The following PLSCR2 variants were observed in gnomAD, a reference collection of about 807,000 sequenced individuals.
PLSCR2 encodes the protein phospholipid scramblase 2.
A neutral mutation model predicts 25.3 loss-of-function variants in PLSCR2; 18 were observed. That is an observed-to-expected ratio of 0.71 (90% CI 0.49 to 1.06). The LOEUF is 1.06. PLSCR2 is among the 50% of genes least tolerant of loss of function. The pLI is 0.00. For missense variants in PLSCR2, 243 were observed against 269.5 expected, an observed-to-expected ratio of 0.90 and a Z score of 0.69; for synonymous variants, 88 against 87.3, an observed-to-expected ratio of 1.01 and a Z score of -0.04.
At chr3:146,438,807 A>T (rs954256765), downstream of PLSCR2, among the ~76,000 whole-genome samples, 9 of 151,800 alleles carry the variant, frequency 5.9e-5, no homozygotes, top group African/African-American at 1.9e-4. Flanking sequence ...GTGAATTTGA[A>T]CCTGTCATTA....
At chr3:146,414,467 C>T (rs2038951508) in intron 2 of PLSCR2, among the ~76,000 whole-genome samples, 1 of 152,072 alleles carries the variant, frequency 6.6e-6, no homozygotes, top group South Asian at 2.1e-4. Context: ...TAGTATAATT[C>T]AGCAAGAAAA....
intron 1 of PLSCR2, among the ~76,000 whole-genome samples, chr3:146,483,509 A>ACATGTGTATATATATATAT (rs1553791539): frequency 1.6e-5 from 2 of 127,074 alleles, no homozygotes; most frequent in Non-Finnish European, 3.3e-5. Context: ...ATATATATAT[A>ACATGTGTATATATATATAT]ATGTTACTAC....
intron 6 of PLSCR2, among the ~76,000 whole-genome samples, chr3:146,444,846 C>A (rs187123770): frequency 1.3e-5 from 2 of 151,708 alleles, no homozygotes; most frequent in Non-Finnish European, 2.9e-5. Flanking sequence ...TCTTTCCTTC[C>A]TTCCTGTCAT....
chr3:146,470,903 T>A (rs563463279), intron 1 of PLSCR2, among the ~76,000 whole-genome samples: 1 of 152,350 alleles, frequency 6.6e-6, no homozygotes, highest in South Asian at 2.1e-4. Context: ...TAATGGTATC[T>A]ACCACAGAGG....
intron 1 of PLSCR2, among the ~76,000 whole-genome samples, chr3:146,488,070 G>A (rs2043410761): frequency 6.6e-6 from 1 of 151,960 alleles, no homozygotes; most frequent in Admixed American, 6.6e-5. Context: ...ACAAGAAATG[G>A]GGAAAGGAAA....
At chr3:146,469,079 C>G in intron 1 of PLSCR2, 1 of 970,798 alleles carries the variant, frequency 1.0e-6, no homozygotes, top group Non-Finnish European at 1.2e-6. Context: ...GACGTGGGCT[C>G]CTGGCGGACT....
intron 1 of PLSCR2, among the ~76,000 whole-genome samples, chr3:146,476,344 T>C (rs1284989444): frequency 6.6e-6 from 1 of 152,226 alleles, no homozygotes; most frequent in Non-Finnish European, 1.5e-5. Flanking sequence ...GTGTTCATGC[T>C]ACCCAGCCTG....
chr3:146,490,881 C>T (rs926709279), intron 1 of PLSCR2, among the ~76,000 whole-genome samples: 2 of 152,026 alleles, frequency 1.3e-5, no homozygotes, highest in African/African-American at 4.8e-5. Context: ...GAATTTGATG[C>T]TGTCATCATG....
At chr3:146,409,692 C>T (rs549348474) in intron 2 of PLSCR2, among the ~76,000 whole-genome samples, 100 of 152,086 alleles carry the variant, frequency 6.6e-4, no homozygotes, top group Non-Finnish European at 1.3e-3. Flanking sequence ...TCTGAAAAAC[C>T]GAGAGAAAAA....
intron 6 of PLSCR2, among the ~76,000 whole-genome samples, chr3:146,448,684 G>A (rs151103974): frequency 2.0e-5 from 3 of 152,188 alleles, no homozygotes; most frequent in East Asian, 1.9e-4. Flanking sequence ...TGATACTTGA[G>A]GGTTTTAAAA....
chr3:146,459,334 A>G (rs1330021675), intron 2 of PLSCR2, among the ~76,000 whole-genome samples: 1 of 152,214 alleles, frequency 6.6e-6, no homozygotes, highest in Non-Finnish European at 1.5e-5. Context: ...ATGTCTTTTA[A>G]GTGTCAAGAA....
At chr3:146,424,132 T>A (rs368848911) in intron 2 of PLSCR2, among the ~76,000 whole-genome samples, 11 of 147,036 alleles carry the variant, frequency 7.5e-5, no homozygotes, top group East Asian at 2.0e-4. Context: ...TTAAAGTATT[T>A]AAAAAAAAAA....
At chr3:146,410,781 A>AT (rs2038820717) in intron 2 of PLSCR2, among the ~76,000 whole-genome samples, 2 of 152,192 alleles carry the variant, frequency 1.3e-5, no homozygotes, top group South Asian at 2.1e-4. Flanking sequence ...TTTCCTGTTT[A>AT]TTTTTTATTA....
At chr3:146,493,786 T>A (rs1031899232) in intron 1 of PLSCR2, among the ~76,000 whole-genome samples, 1 of 124,884 alleles carries the variant, frequency 8.0e-6, no homozygotes, top group African/African-American at 3.4e-5. Context: ...AGGTGGCGTT[T>A]TTTTTTTTTT....
chr3:146,400,302 A>G lies in PLSCR2; in HGVS notation c.101-4381T>C, dbSNP rs145876402. 3.0e-3 allele frequency among the ~76,000 whole-genome samples: 451 copies of G among 151,814 alleles called. 4 individuals carry two copies. Among genetic ancestry groups the G allele is most frequent in the Middle Eastern group, 0.027 (8 of 292 alleles). On this transcript the variant is annotated intron_variant and NMD_transcript_variant, in intron 2 of 3. Coordinates refer to the PLSCR2 transcript ENST00000463633. ...GACAAGGTCAGAGTAAAGTGAAGGT[A>G]TACACAGAGCAATAATTTTCTATAT...
chr3:146,392,960 C>T (rs2038134752), intron 3 of PLSCR2, among the ~76,000 whole-genome samples: 1 of 144,190 alleles, frequency 6.9e-6, no homozygotes, highest in Non-Finnish European at 1.5e-5. Context: ...TATTTTATTA[C>T]ATATTTTAAA....
downstream of PLSCR2, among the ~76,000 whole-genome samples, chr3:146,438,024 G>A (rs1320658402): frequency 2.6e-5 from 4 of 152,128 alleles, no homozygotes; most frequent in African/African-American, 4.8e-5. Flanking sequence ...CCTTCATTTC[G>A]TTATGTACCC....
intron 2 of PLSCR2, among the ~76,000 whole-genome samples, chr3:146,410,971 G>GC (rs1436413433): frequency 6.6e-6 from 1 of 152,128 alleles, no homozygotes; most frequent in Non-Finnish European, 1.5e-5. Flanking sequence ...GCAGGTGACG[G>GC]CCCATTCGAA....
intron 3 of PLSCR2, among the ~76,000 whole-genome samples, chr3:146,393,035 T>TC (rs1400396291): frequency 1.4e-5 from 2 of 145,784 alleles, no homozygotes; most frequent in East Asian, 1.9e-4. Context: ...TCCTTTTTTT[T>TC]TTTTTTTTTT....
Sources: gnomAD v4.1 joint callset for allele counts (sites outside exome capture counted in the v4.1 genomes callset) on GRCh38, gnomAD v4.1.1 for gene constraint, MANE v1.5 for transcripts, NCBI Gene and HGNC (gene_info 2026-07-23, HGNC 2026-07-21) for gene names.